DDX6: variants seen among roughly 807,000 people sequenced by gnomAD.
DDX6 encodes DEAD-box helicase 6, also known as probable ATP-dependent RNA helicase DDX6.
In DDX6, 7 loss-of-function variants were observed where a neutral mutation model predicts 60.6. The observed-to-expected ratio is 0.12, with a 90% confidence interval of 0.07 to 0.22. DDX6 has a LOEUF of 0.22. DDX6 is among the 10% of genes least tolerant of loss of function. The pLI is 1.00. For missense variants in DDX6, 270 were observed against 589.9 expected (o/e 0.46, Z 5.62); for synonymous variants, 207 against 201.0 (o/e 1.03, Z -0.25).
chr11:118,790,880 G>T (rs900943843), intron 1 of DDX6: 1 of 152,680 alleles, frequency 6.5e-6, no homozygotes, highest in East Asian at 1.9e-4. Flanking sequence ...TCGGGCCCGT[G>T]TCCTACCAAC....
intron 2 of DDX6, among the ~76,000 whole-genome samples, chr11:118,784,220 A>G (rs1056609043): frequency 6.6e-6 from 1 of 152,192 alleles, no homozygotes; most frequent in Non-Finnish European, 1.5e-5. Flanking sequence ...CACCTTAAAA[A>G]TAACAGAATA....
intron 9 of DDX6, among the ~76,000 whole-genome samples, 179 bp from the exon 10 acceptor site, chr11:118,757,466 T>C: frequency 6.6e-6 from 1 of 152,166 alleles, no homozygotes. Flanking sequence ...AAGATAATAA[T>C]ATCTAAGATT....
chr11:118,756,387 T>A (rs923635270), intron 10 of DDX6, 64 bp from the exon 11 acceptor site: 5 of 1,306,696 alleles, frequency 3.8e-6, no homozygotes, highest in Non-Finnish European at 5.5e-6. Context: ...TTCCCATAAT[T>A]ATTTCTCCCA....
chr11:118,774,846 TA>T (rs1861646944), intron 4 of DDX6, among the ~76,000 whole-genome samples: 1 of 151,936 alleles, frequency 6.6e-6, no homozygotes. Flanking sequence ...AATGCCTGGA[TA>T]AAACTGTAAA....
chr11:118,784,651 G>A (rs1765306187), intron 2 of DDX6, among the ~76,000 whole-genome samples: 1 of 151,882 alleles, frequency 6.6e-6, no homozygotes, highest in Admixed American at 6.6e-5. Flanking sequence ...TAAAGACAGG[G>A]TTTCACCATG....
rs934991230 is a variant in DDX6, at chr11:118,748,944, T to C, written c.*3161A>G. ...GATAACCAAGCCCACCCTCCAACCC[T>C]TTGGGGCCAACCCATTTTATGCTGC... On this transcript the variant is annotated 3_prime_UTR_variant, in exon 14 of 14. Transcript: ENST00000534980. 3.9e-5 allele frequency: 6 copies of C among 152,186 alleles called. No individual in the cohort carries two copies. Among genetic ancestry groups the C allele is most frequent in the African/African-American group, 1.4e-4 (6 of 41,440 alleles). 9.4% of individuals were successfully genotyped at this position (152,186 alleles called of 1,614,324 possible).
At chr11:118,763,862 AAG>A (rs1861260396) in intron 6 of DDX6, among the ~76,000 whole-genome samples, 1 of 151,774 alleles carries the variant, frequency 6.6e-6, no homozygotes, top group South Asian at 2.1e-4. Context: ...AAAAGAAAGA[AAG>A]AGAAGAAACA....
At chr11:118,775,429 T>G (rs1212214109) in intron 4 of DDX6, among the ~76,000 whole-genome samples, 1 of 152,148 alleles carries the variant, frequency 6.6e-6, no homozygotes, top group African/African-American at 2.4e-5. Context: ...TTTGTTTCGG[T>G]TCTAAAATCC....
intron 2 of DDX6, among the ~76,000 whole-genome samples, chr11:118,782,170 C>T (rs553557588): frequency 2.2e-3 from 342 of 152,184 alleles, no homozygotes; most frequent in Non-Finnish European, 3.2e-3. Flanking sequence ...AGCAAGGCTC[C>T]GTTCCAAATA....
Position 118,759,961 on chromosome 11 carries a change from T to C in DDX6, c.825A>G (p.Leu275=), listed in dbSNP as rs1555159805. ...LTLPKNRQIL[L]YSATFPLSVQ... is the part of the protein sequence containing the mutation. ...CACTAAGAGGGAAAGTAGCGGAATA[T>C]AGTAAAATCTGCCTGTTTTTAGGTA... is the stretch of plus-strand genomic sequence containing the variant. The change falls in exon 8 of 14, where the codon CTA becomes CTG. Residue 275 remains leucine, a synonymous_variant. Transcript: ENST00000534980. The C allele has an allele frequency of 3.4e-5, 55 of 1,613,738 alleles. No homozygotes were observed. The highest frequency in any genetic ancestry group is 4.6e-5 in the Non-Finnish European group (54 of 1,179,806).
rs1369697680 is a variant in DDX6 at position 118,748,803 on chromosome 11, A to G, written c.*3302T>C. 6.6e-6 allele frequency: 1 copy of G among 151,592 alleles called. No homozygotes were observed. The highest frequency in any genetic ancestry group is 6.6e-5 in the Admixed American group (1 of 15,146). The allele number at this position is 151,592 out of a possible 1,614,324, so 9.4% of individuals were successfully genotyped here. ...ATCAGAATGAGATGTTTTGATTCCAACAATTTATACTCAAGGCTTTGTGCT... is the reference window on the plus strand; with the variant it reads ...ATCAGAATGAGATGTTTTGATTCCAGCAATTTATACTCAAGGCTTTGTGCT... On this transcript the variant is annotated 3_prime_UTR_variant, in exon 14 of 14. Coordinates refer to ENST00000534980, the MANE Select transcript of DDX6 (RefSeq NM_004397.6).
At chr11:118,759,009 T>TC in intron 8 of DDX6, 107 bp from the exon 9 acceptor site, 1 of 1,426,484 alleles carries the variant, frequency 7.0e-7, no homozygotes, top group Non-Finnish European at 9.5e-7. Flanking sequence ...ACTCTTGCTG[T>TC]AAGGGACGCA....
At chr11:118,770,009 T>C (rs1020591391) in intron 4 of DDX6, among the ~76,000 whole-genome samples, 1 of 149,238 alleles carries the variant, frequency 6.7e-6, no homozygotes, top group Non-Finnish European at 1.5e-5. Flanking sequence ...CGCCGGGCCA[T>C]GATGTGGAAT....
At chr11:118,785,218 A>G (rs1049628562) in intron 2 of DDX6, among the ~76,000 whole-genome samples, 1 of 152,186 alleles carries the variant, frequency 6.6e-6, no homozygotes, top group Non-Finnish European at 1.5e-5. Flanking sequence ...TAGCCTACAT[A>G]CTTTCAGCTT....
intron 1 of DDX6, chr11:118,786,894 AAGT>A (rs1862092721): frequency 6.6e-6 from 1 of 152,230 alleles, no homozygotes; most frequent in East Asian, 1.9e-4. Context: ...CAACTCACTG[AAGT>A]ATCACACAAT....
intron 4 of DDX6, among the ~76,000 whole-genome samples, chr11:118,777,240 CAT>C (rs5795139): frequency 0.4 from 60,414 of 151,644 alleles, 12,396 homozygotes; most frequent in Admixed American, 0.52. Context: ...TCACTCCACA[CAT>C]GTTGGCTCAA....
At chr11:118,779,090 A>T (rs1555164144) in intron 4 of DDX6, among the ~76,000 whole-genome samples, 4 of 146,176 alleles carry the variant, frequency 2.7e-5, no homozygotes, top group Non-Finnish European at 5.9e-5. Context: ...CATGAGGTCA[A>T]GGCTGCAGTG....
chr11:118,763,438 C>A, intron 6 of DDX6, 132 bp from the exon 7 acceptor site: 1 of 708,410 alleles, frequency 1.4e-6, no homozygotes, highest in Admixed American at 2.3e-5. Context: ...GATGGTATAG[C>A]CTACTCCATT....
intron 13 of DDX6, 83 bp downstream of exon 13, chr11:118,754,622 G>A (rs1860901211): frequency 1.6e-6 from 2 of 1,236,976 alleles, no homozygotes; most frequent in African/African-American, 1.5e-5. Context: ...TATATATGGT[G>A]TGACATCAAA....
Sources: allele counts gnomAD v4.1 joint callset (sites outside exome capture counted in the v4.1 genomes callset), GRCh38; gene constraint gnomAD v4.1.1; transcripts MANE v1.5; gene names NCBI Gene and HGNC (gene_info 2026-07-23, HGNC 2026-07-21).